The following B3GALT1 variants were observed in gnomAD, a reference collection of about 807,000 sequenced individuals.
B3GALT1 encodes beta-1,3-galactosyltransferase 1.
Under a neutral mutation model 23.2 loss-of-function variants are expected in B3GALT1, and 10 were observed. The ratio of observed to expected loss-of-function variants is 0.43; its 90% CI spans 0.27 to 0.73. The LOEUF is 0.73. Ranked by LOEUF, B3GALT1 falls within the 30% of genes least tolerant of loss-of-function variation. The pLI, the probability that B3GALT1 is intolerant of heterozygous loss-of-function variation, is 0.21. For synonymous variants in B3GALT1, 156 were observed against 141.5 expected, an observed-to-expected ratio of 1.10 and a Z score of -0.73; for missense variants, 299 against 405.4, an observed-to-expected ratio of 0.74 and a Z score of 2.25.
chr2:167,435,144 A>T (rs1465684483), intron 1 of B3GALT1, among the ~76,000 whole-genome samples: 3 of 152,058 alleles, frequency 2.0e-5, no homozygotes, highest in Non-Finnish European at 4.4e-5. Flanking sequence ...GGCAAAGTTT[A>T]AGAAACCGAA....
chr2:167,825,470 G>C (rs1056999454), intron 4 of B3GALT1, among the ~76,000 whole-genome samples: 4 of 139,290 alleles, frequency 2.9e-5, no homozygotes, highest in Non-Finnish European at 6.0e-5. Context: ...GCACGTGTGT[G>C]TGTGTGTTAT....
intron 1 of B3GALT1, among the ~76,000 whole-genome samples, chr2:167,310,484 G>T (rs1696620096): frequency 1.3e-5 from 2 of 152,012 alleles, no homozygotes; most frequent in African/African-American, 2.4e-5. Flanking sequence ...GGTTAAATGA[G>T]GGCCAACCCA....
At chr2:167,484,226 CT>C (rs1559110721) in intron 1 of B3GALT1, among the ~76,000 whole-genome samples, 1 of 152,016 alleles carries the variant, frequency 6.6e-6, no homozygotes, top group Admixed American at 6.6e-5. Context: ...TTTGTTCTTT[CT>C]TTTTTTGGGA....
intron 2 of B3GALT1, among the ~76,000 whole-genome samples, chr2:167,634,549 C>G (rs1289936837): frequency 6.6e-6 from 1 of 152,094 alleles, no homozygotes; most frequent in African/African-American, 2.4e-5. Flanking sequence ...ATACAAACTA[C>G]TATCAGAGAA....
At chr2:167,862,172 A>C (rs1468576446) in intron 4 of B3GALT1, among the ~76,000 whole-genome samples, 4 of 152,244 alleles carry the variant, frequency 2.6e-5, no homozygotes, top group Non-Finnish European at 5.9e-5. Flanking sequence ...GAGATTTATT[A>C]TGAGGCATTG....
chr2:167,701,328 A>C (rs138714415), intron 3 of B3GALT1, among the ~76,000 whole-genome samples: 4 of 152,166 alleles, frequency 2.6e-5, no homozygotes, highest in African/African-American at 9.6e-5. Flanking sequence ...TTCCTGGGGA[A>C]GAGTCTTGGT....
At chr2:167,722,352 T>C (rs2105256944) in intron 3 of B3GALT1, among the ~76,000 whole-genome samples, 1 of 152,322 alleles carries the variant, frequency 6.6e-6, no homozygotes, top group East Asian at 1.9e-4. Flanking sequence ...AATTGACTGC[T>C]CTTCTCAAGC....
intron 1 of B3GALT1, among the ~76,000 whole-genome samples, chr2:167,488,629 A>G (rs1359025456): frequency 1.3e-5 from 2 of 152,240 alleles, no homozygotes; most frequent in African/African-American, 4.8e-5. Flanking sequence ...AATAAAGTAT[A>G]CAGATTTTAA....
intron 3 of B3GALT1, among the ~76,000 whole-genome samples, chr2:167,778,020 C>T (rs1318481854): frequency 1.3e-5 from 2 of 151,866 alleles, no homozygotes; most frequent in African/African-American, 4.8e-5. Context: ...ATTATCTAGC[C>T]CAAGTTGTCA....
intron 2 of B3GALT1, among the ~76,000 whole-genome samples, chr2:167,585,455 A>G (rs1246748195): frequency 6.6e-6 from 1 of 152,224 alleles, no homozygotes; most frequent in Non-Finnish European, 1.5e-5. Context: ...GCTCACAGTC[A>G]TTACCTCATT....
intron 1 of B3GALT1, among the ~76,000 whole-genome samples, chr2:167,359,577 G>C (rs1056021463): frequency 2.6e-5 from 4 of 152,162 alleles, no homozygotes; most frequent in Non-Finnish European, 5.9e-5. Flanking sequence ...CCTATGGGCA[G>C]CAGCTAAGCT....
At chr2:167,520,471 A>T (rs541263396) in intron 2 of B3GALT1, among the ~76,000 whole-genome samples, 60 of 152,248 alleles carry the variant, frequency 3.9e-4, no homozygotes, top group African/African-American at 1.3e-3. Flanking sequence ...CTCTCTGGTG[A>T]AGCATCCCAG....
chr2:167,522,716 A>G (rs373863232), intron 2 of B3GALT1, among the ~76,000 whole-genome samples: 3 of 152,194 alleles, frequency 2.0e-5, no homozygotes, highest in African/African-American at 7.2e-5. Flanking sequence ...TACACATTGA[A>G]AAAGAGTAGG....
At position 167,692,562 on chromosome 2, in the gene B3GALT1, G is replaced by T. The variant is rs1372182857; in HGVS notation, c.-352+45596G>T. Among the ~76,000 whole-genome samples the T allele has an allele frequency of 2.0e-5, 3 of 152,102 alleles. No individual in the cohort carries two copies. The East Asian group carries it at 5.8e-4, about 29-fold the overall frequency. On this transcript the variant is annotated intron_variant, in intron 3 of 4. Coordinates refer to ENST00000392690, the MANE Select transcript of B3GALT1 (RefSeq NM_020981.4). Reference sequence around the variant, plus strand: ...ATTCCCCCTTATTTCCACTGAATTGGTTTGAGAACTAACATGCATTTATTA... The same window carrying T: ...ATTCCCCCTTATTTCCACTGAATTGTTTTGAGAACTAACATGCATTTATTA...
chr2:167,458,654 G>A (rs553587040), intron 1 of B3GALT1, among the ~76,000 whole-genome samples: 9 of 152,244 alleles, frequency 5.9e-5, no homozygotes, highest in South Asian at 2.1e-4. Flanking sequence ...ATGCTAATGC[G>A]TATGAAGTGG....
chr2:167,412,024 A>G (rs952469299), intron 1 of B3GALT1, among the ~76,000 whole-genome samples: 6 of 152,086 alleles, frequency 3.9e-5, no homozygotes, highest in African/African-American at 1.4e-4. Flanking sequence ...ACAGAGTGGA[A>G]TGGTGGTTAC....
intron 3 of B3GALT1, among the ~76,000 whole-genome samples, chr2:167,795,399 T>C (rs191721431): frequency 1.6e-4 from 24 of 152,346 alleles, no homozygotes; most frequent in Middle Eastern, 3.4e-3. Context: ...CTTTTGCCTG[T>C]GGGTTGCTTC....
intron 4 of B3GALT1, among the ~76,000 whole-genome samples, chr2:167,842,320 G>A (rs992373998): frequency 1.3e-5 from 2 of 152,160 alleles, no homozygotes; most frequent in African/African-American, 2.4e-5. Context: ...TTTGACTCCA[G>A]CAATTCTTTC....
chr2:167,467,470 C>A (rs141247041), intron 1 of B3GALT1, among the ~76,000 whole-genome samples: 146 of 152,266 alleles, frequency 9.6e-4, no homozygotes, highest in Non-Finnish European at 1.7e-3. Flanking sequence ...GTTACTCCTA[C>A]GTGTTTGTAA....
Sources: allele counts gnomAD v4.1 joint callset (sites outside exome capture counted in the v4.1 genomes callset), GRCh38; gene constraint gnomAD v4.1.1; transcripts MANE v1.5; gene names NCBI Gene and HGNC (gene_info 2026-07-23, HGNC 2026-07-21).